HLA-DMA: variants seen among roughly 807,000 people sequenced by gnomAD.
HLA-DMA encodes major histocompatibility complex, class II, DM alpha.
HLA-DMA carries 20 observed loss-of-function variants against 27.3 expected under a neutral mutation model. The ratio of observed to expected loss-of-function variants is 0.73; its 90% CI spans 0.52 to 1.07. The LOEUF is 1.07. Ranked by LOEUF, HLA-DMA falls within the 50% of genes least tolerant of loss-of-function variation. The pLI is 0.00. For synonymous variants in HLA-DMA, 111 were observed against 126.8 expected (o/e 0.88, Z 0.83); for missense variants, 241 against 321.7 (o/e 0.75, Z 1.92).
chr6:32,951,909 A>T (rs1215457774), intron 1 of HLA-DMA, among the ~76,000 whole-genome samples: 2 of 152,178 alleles, frequency 1.3e-5, no homozygotes, highest in Non-Finnish European at 2.9e-5. Context: ...ACCCTGGGTG[A>T]CAGAGCGAGA....
intron 1 of HLA-DMA, chr6:32,952,261 A>G: frequency 2.1e-6 from 1 of 465,580 alleles, no homozygotes; most frequent in Non-Finnish European, 4.5e-6. Context: ...CTATCCCCAG[A>G]CACAAATGGT....
At chr6:32,951,968 T>C (rs1283852816) in intron 1 of HLA-DMA, among the ~76,000 whole-genome samples, 1 of 151,932 alleles carries the variant, frequency 6.6e-6, no homozygotes, top group Non-Finnish European at 1.5e-5. Flanking sequence ...TTTAAAAATG[T>C]ATATATATAA....
rs916892571 is a variant in HLA-DMA at position 32,949,895 on chromosome 6, G to A, written c.374-6C>T. 1.2e-6 allele frequency: 2 copies of A among 1,611,590 alleles called. No homozygotes were observed. Among genetic ancestry groups the A allele is most frequent in the Non-Finnish European group, 1.7e-6 (2 of 1,178,930 alleles). The stretch of plus-strand genomic sequence containing the variant: ...CACTTCAGCGATAGGAAACCCTGGT[G>A]GGGGGATTGAAGTGTAGGGGGAAAA... On this transcript the variant is annotated splice_region_variant and splice_polypyrimidine_tract_variant and intron_variant, in intron 2 of 4. Transcript: ENST00000374843. The surrounding 1 kb of genome is among the most constrained non-coding windows in gnomAD (Gnocchi z 5.8).
At position 32,950,065 on chromosome 6, in the gene HLA-DMA, G is replaced by T; in HGVS notation, c.374-176C>A. 1.5e-6 allele frequency: 1 copy of T among 650,086 alleles called. No individual in the cohort carries two copies. The highest frequency in any genetic ancestry group is 2.6e-6 in the Non-Finnish European group (1 of 382,394). 40.3% of individuals were successfully genotyped at this position (650,086 alleles called of 1,614,324 possible). Reference sequence around the variant, plus strand: ...TGAAGGGAGGTCTTCTTCCAGGCAAGGACTGCAGCTAGACATAGAAGCAGA... The same window carrying T: ...TGAAGGGAGGTCTTCTTCCAGGCAATGACTGCAGCTAGACATAGAAGCAGA... On this transcript the variant is annotated intron_variant, in intron 2 of 4. Transcript: ENST00000374843. The surrounding 1 kb of genome is among the most constrained non-coding windows in gnomAD (Gnocchi z 5.0).
rs751227539 is a variant in HLA-DMA at position 32,949,881 on chromosome 6, T to C, written c.382A>G (p.Ile128Val). Reference protein sequence around the residue: ...GKIPVSRGFPIAEVFTLKPLE... With the variant: ...GKIPVSRGFPVAEVFTLKPLE... ...GGCTTCAGCGTGAACACTTCAGCGA[T>C]AGGAAACCCTGGTGGGGGGATTGAA... The change falls in exon 3 of 5, where the codon ATC (isoleucine) becomes GTC (valine). Residue 128 changes from isoleucine to valine, a missense_variant. Physicochemically the swap from Ile to Val is conservative, Grantham distance 29. Transcript: ENST00000374843. This position sits in a 1 kb window ranked among gnomAD's most constrained non-coding sequence, Gnocchi z 5.8. 3.6e-5 allele frequency: 58 copies of C among 1,612,124 alleles called. No individual in the cohort carries two copies. The highest frequency in any genetic ancestry group is 2.5e-4 in the East Asian group (11 of 44,874).
rs1157297464 is a variant in HLA-DMA, at chr6:32,952,930, AATAGGAGTACC to A, written c.88+8_88+18del. 3.8e-6 allele frequency: 6 copies of A among 1,592,528 alleles called. No individual in the cohort carries two copies. Among genetic ancestry groups the A allele is most frequent in the Middle Eastern group, 3.3e-4 (2 of 6,044 alleles). ...GCTCCCTAGGTTCAGGATGGAAGTA[AATAGGAGTACC>A]ATCTTACCTTCAGGGACGGCCCAGG... On this transcript the variant is annotated splice_region_variant and intron_variant, in intron 1 of 4. Coordinates refer to ENST00000374843, the MANE Select transcript of HLA-DMA (RefSeq NM_006120.4).
In HLA-DMA at chr6:32,948,658, T is replaced by G. The variant is rs1776751913; in HGVS notation, c.*206A>C. 1 of 629,548 alleles carries G rather than the reference T, an allele frequency of 1.6e-6. No homozygotes were observed. The highest frequency in any genetic ancestry group is 2.6e-5 in the Admixed American group (1 of 37,824). 39.0% of individuals were successfully genotyped at this position (629,548 alleles called of 1,614,324 possible). A position where few individuals can be genotyped will look rare whatever the true frequency, so the allele number is the denominator to read the frequency against. Reference sequence around the variant, plus strand: ...TATTGCCTTGTGGGGGGAAGGGATGTGGTTGTGATAGGCAGGCCACTCTGG... The same window carrying G: ...TATTGCCTTGTGGGGGGAAGGGATGGGGTTGTGATAGGCAGGCCACTCTGG... On this transcript the variant is annotated 3_prime_UTR_variant, in exon 5 of 5. Transcript: ENST00000374843.
chr6:32,952,783 C>T (rs1386442121), intron 1 of HLA-DMA, among the ~76,000 whole-genome samples, 166 bp downstream of exon 1: 1 of 152,224 alleles, frequency 6.6e-6, no homozygotes, highest in East Asian at 1.9e-4. Flanking sequence ...CAAAGCATCA[C>T]TGATATCGTT....
chr6:32,951,668 C>T (rs1167853956), intron 1 of HLA-DMA, among the ~76,000 whole-genome samples: 1 of 152,138 alleles, frequency 6.6e-6, no homozygotes, highest in Non-Finnish European at 1.5e-5. Flanking sequence ...GTGGCTCAAG[C>T]TTGTAATCCC....
chr6:32,952,161 G>C (rs1776930606), intron 1 of HLA-DMA: 1 of 380,592 alleles, frequency 2.6e-6, no homozygotes, highest in East Asian at 7.3e-5. Context: ...GTATTGACTA[G>C]AGAAGGCCAT....
intron 1 of HLA-DMA, chr6:32,952,532 C>T (rs1321495918): frequency 4.7e-6 from 2 of 427,890 alleles, no homozygotes; most frequent in Non-Finnish European, 9.5e-6. Flanking sequence ...TTCCATTCTG[C>T]CCCATCCTCT....
chr6:32,949,215 C>T lies in HLA-DMA; in HGVS notation c.781+56G>A. 6.2e-7 allele frequency: 1 copy of T among 1,610,738 alleles called. No individual in the cohort carries two copies. Among genetic ancestry groups the T allele is most frequent in the African/African-American group, 1.3e-5 (1 of 74,972 alleles). ...ACAAAATAATCCTGACACATGCACG[C>T]ATGCACCACTGTATCTGGCTCCCAC... is the stretch of plus-strand genomic sequence containing the variant. On this transcript the variant is annotated intron_variant, in intron 4 of 4. Transcript: ENST00000374843. This position sits in a 1 kb window ranked among gnomAD's most constrained non-coding sequence, Gnocchi z 5.8.
chr6:32,952,742 C>T (rs1582844708), intron 1 of HLA-DMA, among the ~76,000 whole-genome samples: 1 of 152,180 alleles, frequency 6.6e-6, no homozygotes, highest in African/African-American at 2.4e-5. Flanking sequence ...GAACAATCTC[C>T]GCTTCAAGAG....
intron 1 of HLA-DMA, among the ~76,000 whole-genome samples, chr6:32,951,026 T>A (rs1367077055): frequency 6.6e-6 from 1 of 152,138 alleles, no homozygotes; most frequent in African/African-American, 2.4e-5. Flanking sequence ...CATGTTGGCA[T>A]GCGCCTGTAG....
Position 32,952,748 on chromosome 6 carries a change from A to C in HLA-DMA, c.88+201T>G, listed in dbSNP as rs1038921414. 5.9e-5 allele frequency among the ~76,000 whole-genome samples: 9 copies of C among 152,216 alleles called. No individual in the cohort carries two copies. The East Asian group carries it at 1.5e-3, about 26-fold the overall frequency. ...AAATGGAGAGAACAATCTCCGCTTC[A>C]AGAGATTGTCTTAAATGGAACATGC... is the stretch of plus-strand genomic sequence containing the variant. On this transcript the variant is annotated intron_variant, in intron 1 of 4. Transcript: ENST00000374843.
At position 32,948,732 on chromosome 6, in the gene HLA-DMA, TC is replaced by T; in HGVS notation, c.*131del. On this transcript the variant is annotated 3_prime_UTR_variant, in exon 5 of 5. Coordinates refer to ENST00000374843, the MANE Select transcript of HLA-DMA (RefSeq NM_006120.4). ...GACAGCAGAGTCCCCAGGTGGGAAATCTACACACACACCCCAGGGATGTCCC... is the reference window on the plus strand; with the variant it reads ...GACAGCAGAGTCCCCAGGTGGGAAATTACACACACACCCCAGGGATGTCCC... 1 of 1,116,096 alleles carries T rather than the reference TC, an allele frequency of 9.0e-7. No individual in the cohort carries two copies. The highest frequency in any genetic ancestry group is 1.3e-5 in the South Asian group (1 of 78,160). The allele number at this position is 1,116,096 out of a possible 1,614,324, so 69.1% of individuals were successfully genotyped here.
At chr6:32,952,244 C>T (rs1219862467) in intron 1 of HLA-DMA, 1 of 455,216 alleles carries the variant, frequency 2.2e-6, no homozygotes, top group East Asian at 7.0e-5. Context: ...GATGGGACTG[C>T]CTCCCACTAT....
Position 32,949,651 on chromosome 6 carries a change from C to A in HLA-DMA, c.612G>T (p.Val204=). 1 of 1,613,082 alleles carries A rather than the reference C, an allele frequency of 6.2e-7. No individual in the cohort carries two copies. Among genetic ancestry groups the A allele is most frequent in the South Asian group, 1.1e-5 (1 of 91,084 alleles). The change falls in exon 3 of 5, where the codon GTG becomes GTT. Residue 204 remains valine, a synonymous_variant. Transcript: ENST00000374843. This position sits in a 1 kb window ranked among gnomAD's most constrained non-coding sequence, Gnocchi z 5.8. ...CTGTGTAGCGGTCAATTTCGTGAGTCACAATGCAGGAGAAAATGTCAGAAG... is the reference window on the plus strand; with the variant it reads ...CTGTGTAGCGGTCAATTTCGTGAGTAACAATGCAGGAGAAAATGTCAGAAG... ...PEPSDIFSCI[V]THEIDRYTAI...
chr6:32,949,009 A>G lies in HLA-DMA; in HGVS notation c.782-141T>C, dbSNP rs1161322619. 4 of 1,038,772 alleles carry G rather than the reference A, an allele frequency of 3.9e-6. No homozygotes were observed. The South Asian group carries it at 4.7e-5, about 12-fold the overall frequency. 64.3% of individuals were successfully genotyped at this position (1,038,772 alleles called of 1,614,324 possible). On this transcript the variant is annotated intron_variant, in intron 4 of 4. Coordinates refer to ENST00000374843, the MANE Select transcript of HLA-DMA (RefSeq NM_006120.4). This position sits in a 1 kb window ranked among gnomAD's most constrained non-coding sequence, Gnocchi z 5.8. Reference sequence around the variant, plus strand: ...GAAGTTGATCTCTCCTTGTTCCCAAATCATCTCCAAGCACCCTTCCTACAG... The same window carrying G: ...GAAGTTGATCTCTCCTTGTTCCCAAGTCATCTCCAAGCACCCTTCCTACAG...
Sources: allele counts gnomAD v4.1 joint callset (sites outside exome capture counted in the v4.1 genomes callset), GRCh38; gene constraint gnomAD v4.1.1; non-coding constraint Gnocchi (gnomAD v3.1); transcripts MANE v1.5; gene names NCBI Gene and HGNC (gene_info 2026-07-23, HGNC 2026-07-21).